DNAAF11: variants seen among roughly 807,000 people sequenced by gnomAD.
The protein encoded by DNAAF11 is dynein axonemal assembly factor 11, also known as leucine rich repeat containing 6.
Under a neutral mutation model 60.8 loss-of-function variants are expected in DNAAF11, and 45 were observed. The observed-to-expected ratio is 0.74, with a 90% CI of 0.58 to 0.95. The LOEUF (loss-of-function observed/expected upper bound fraction) is 0.95. Among genes scored for constraint, DNAAF11 ranks in the 40% least tolerant of loss-of-function variants. The probability of loss-of-function intolerance (pLI) is 0.00; values close to 1 mark genes in which losing one functional copy is unlikely to be tolerated. For synonymous variants in DNAAF11, 191 were observed against 183.5 expected (o/e 1.04, Z -0.33); for missense variants, 546 against 546.2 (o/e 1.00, Z 0.00).
At chr8:132,691,124 C>CTTCTTCTCCATAGGAGAAGAGTTTA in the DNAAF11 span, among the ~76,000 whole-genome samples, 1,385 of 151,600 alleles carry the variant, frequency 9.1e-3, 24 homozygotes, top group African/African-American at 0.028. Flanking sequence ...ATTATTTGAA[C>CTTCTTCTCCATAGGAGAAGAGTTTA]TTCTTCTCCA....
chr8:132,645,731 G>GTA, intron 3 of DNAAF11, among the ~76,000 whole-genome samples: 1 of 152,094 alleles, frequency 6.6e-6, no homozygotes, highest in Non-Finnish European at 1.5e-5. Context: ...GGAAGAAGGG[G>GTA]TATCAGTGAC....
At chr8:132,665,822 A>T (rs1824570565) in intron 1 of DNAAF11, among the ~76,000 whole-genome samples, 1 of 152,236 alleles carries the variant, frequency 6.6e-6, no homozygotes, top group Non-Finnish European at 1.5e-5. Flanking sequence ...CACTATTCAC[A>T]ATATCAAAGT....
intron 10 of DNAAF11, among the ~76,000 whole-genome samples, chr8:132,606,027 A>T (rs1818096126): frequency 6.6e-6 from 1 of 152,140 alleles, no homozygotes; most frequent in African/African-American, 2.4e-5. Context: ...ATTTACATAT[A>T]CAGTCATATA....
At chr8:132,614,500 A>T (rs764625850) in intron 8 of DNAAF11, among the ~76,000 whole-genome samples, 1 of 152,108 alleles carries the variant, frequency 6.6e-6, no homozygotes, top group African/African-American at 2.4e-5. Flanking sequence ...TTTAGGGAGG[A>T]GAAAAGGACA....
intron 11 of DNAAF11, among the ~76,000 whole-genome samples, chr8:132,581,654 T>C (rs1456301975): frequency 9.1e-6 from 1 of 110,180 alleles, no homozygotes; most frequent in African/African-American, 3.9e-5. Context: ...AGAGCGAGAC[T>C]CTGCCTCAAA....
chr8:132,676,414 A>G (rs545098199), upstream of DNAAF11, among the ~76,000 whole-genome samples: 1 of 152,310 alleles, frequency 6.6e-6, no homozygotes, highest in East Asian at 1.9e-4. Flanking sequence ...AGTAATTATT[A>G]TTCTTTACTC....
chr8:132,700,523 C>CAAA, the DNAAF11 span, among the ~76,000 whole-genome samples: 131 of 135,418 alleles, frequency 9.7e-4, 2 homozygotes, highest in East Asian at 2.1e-3. Flanking sequence ...CCCACCTCTA[C>CAAA]AAAAAAAAAA....
chr8:132,683,161 G>A, the DNAAF11 span, among the ~76,000 whole-genome samples: 6 of 152,116 alleles, frequency 3.9e-5, no homozygotes, highest in African/African-American at 1.4e-4. Context: ...TAATATATAG[G>A]ACAAATAAAA....
At chr8:132,674,564 C>A (rs1825590589) in intron 1 of DNAAF11, among the ~76,000 whole-genome samples, 1 of 152,228 alleles carries the variant, frequency 6.6e-6, no homozygotes, top group Non-Finnish European at 1.5e-5. Context: ...TTACCCGCAT[C>A]ACCTTGCAGT....
chr8:132,599,920 C>T (rs1302316044), intron 10 of DNAAF11, among the ~76,000 whole-genome samples: 2 of 152,240 alleles, frequency 1.3e-5, no homozygotes, highest in East Asian at 3.9e-4. Context: ...AAGTTCTAGC[C>T]AGGACAATCA....
chr8:132,622,853 T>C, intron 6 of DNAAF11, 165 bp from the exon 7 acceptor site: 1 of 582,210 alleles, frequency 1.7e-6, no homozygotes, highest in South Asian at 2.3e-5. Flanking sequence ...ATTCCTTTAA[T>C]TCTATGCTGG....
chr8:132,654,611 A>G (rs1823357034), intron 3 of DNAAF11, among the ~76,000 whole-genome samples: 1 of 151,972 alleles, frequency 6.6e-6, no homozygotes, highest in Non-Finnish European at 1.5e-5. Flanking sequence ...ACGAGAAATC[A>G]GTAAAATGAG....
At chr8:132,668,866 C>T (rs1375931484) in intron 1 of DNAAF11, among the ~76,000 whole-genome samples, 1 of 152,226 alleles carries the variant, frequency 6.6e-6, no homozygotes, top group Non-Finnish European at 1.5e-5. Flanking sequence ...ATTAATTCCT[C>T]TAGCTGCTGG....
intron 10 of DNAAF11, among the ~76,000 whole-genome samples, chr8:132,593,843 AAAAAAAATGACCCTT>A (rs1816724429): frequency 6.6e-6 from 1 of 151,862 alleles, no homozygotes; most frequent in African/African-American, 2.4e-5. Flanking sequence ...TCCATAAGAG[AAAAAAAATGACCCTT>A]AACCACTACT....
At chr8:132,702,237 T>A in the DNAAF11 span, 1 of 152,106 alleles carries the variant, frequency 6.6e-6, no homozygotes, top group East Asian at 1.9e-4. Flanking sequence ...AGTCATGAAA[T>A]TAGGTCTGTT....
chr8:132,674,540 A>G (rs1381838601), intron 1 of DNAAF11, among the ~76,000 whole-genome samples: 1 of 152,260 alleles, frequency 6.6e-6, no homozygotes, highest in African/African-American at 2.4e-5. Context: ...AATGGTTCAT[A>G]CAATATAAAT....
intron 10 of DNAAF11, among the ~76,000 whole-genome samples, chr8:132,592,515 A>G (rs1191447214): frequency 1.3e-5 from 2 of 152,166 alleles, no homozygotes; most frequent in Middle Eastern, 3.2e-3. Flanking sequence ...GGATGTAAGC[A>G]GGGTCTACAG....
intron 2 of DNAAF11, among the ~76,000 whole-genome samples, chr8:132,658,495 G>A (rs1823806148): frequency 6.6e-6 from 1 of 152,024 alleles, no homozygotes; most frequent in African/African-American, 2.4e-5. Flanking sequence ...GCTAATTTTT[G>A]TATTTTTAGT....
At chr8:132,624,029 A>T (rs1277995412) in intron 6 of DNAAF11, among the ~76,000 whole-genome samples, 2 of 152,210 alleles carry the variant, frequency 1.3e-5, no homozygotes, top group African/African-American at 4.8e-5. Flanking sequence ...TTTATTAGGT[A>T]ACAGGGAGTA....
Sources: allele counts gnomAD v4.1 joint callset (sites outside exome capture counted in the v4.1 genomes callset), GRCh38; gene constraint gnomAD v4.1.1; transcripts MANE v1.5; gene names NCBI Gene and HGNC (gene_info 2026-07-23, HGNC 2026-07-21).